Variants in PARD3B observed in about 807,000 individuals in gnomAD.
The protein encoded by PARD3B is partitioning defective 3 homolog B.
PARD3B carries 103 observed loss-of-function variants against 130.2 expected under a neutral mutation model. That is an observed-to-expected ratio of 0.79 (90% CI 0.67 to 0.93). The LOEUF (loss-of-function observed/expected upper bound fraction) is 0.93, where lower values mean the gene tolerates loss of function less well. Among genes scored for constraint, PARD3B ranks in the 40% least tolerant of loss-of-function variants. PARD3B has a pLI of 0.00. For missense variants in PARD3B, 1,609 were observed against 1,499.2 expected, an observed-to-expected ratio of 1.07 and a Z score of -1.21; for synonymous variants, 583 against 553.2, an observed-to-expected ratio of 1.05 and a Z score of -0.76.
chr2:205,435,960 T>TAAA (rs1401197446), intron 19 of PARD3B, among the ~76,000 whole-genome samples: 1 of 152,214 alleles, frequency 6.6e-6, no homozygotes, highest in East Asian at 1.9e-4. Context: ...GGGTAATTTA[T>TAAA]AAAGACAGAA....
intron 2 of PARD3B, among the ~76,000 whole-genome samples, chr2:204,758,072 C>T (rs1406785905): frequency 3.3e-5 from 5 of 152,148 alleles, no homozygotes. Flanking sequence ...GTTGGGGCCA[C>T]ACCATATGCA....
chr2:204,594,633 A>G (rs1467112437), intron 1 of PARD3B, among the ~76,000 whole-genome samples: 1 of 152,180 alleles, frequency 6.6e-6, no homozygotes, highest in African/African-American at 2.4e-5. Flanking sequence ...CGTAATTGCT[A>G]ATCACCCCTT....
chr2:204,800,216 A>G (rs2042517960), intron 2 of PARD3B, among the ~76,000 whole-genome samples: 1 of 152,170 alleles, frequency 6.6e-6, no homozygotes, highest in African/African-American at 2.4e-5. Context: ...GAAATTCTAG[A>G]GGTGGAAAAT....
At chr2:204,732,851 TAAAA>T (rs907771152) in intron 2 of PARD3B, among the ~76,000 whole-genome samples, 1 of 152,154 alleles carries the variant, frequency 6.6e-6, no homozygotes, top group African/African-American at 2.4e-5. Context: ...CCTGATTTGA[TAAAA>T]AAGAGTTTTT....
Position 205,356,584 on chromosome 2 carries a change from C to T in PARD3B, c.2631-44429C>T, listed in dbSNP as rs137950139. Reference sequence around the variant, plus strand: ...TCCTTCATTGAGAAGCTCTGCTGAGCGTACATATAAAAGAATATCATTCTG... The same window carrying T: ...TCCTTCATTGAGAAGCTCTGCTGAGTGTACATATAAAAGAATATCATTCTG... On this transcript the variant is annotated intron_variant, in intron 18 of 22. Transcript: ENST00000406610. 3.6e-4 allele frequency among the ~76,000 whole-genome samples: 55 copies of T among 152,052 alleles called. 2 individuals carry two copies. The highest frequency in any genetic ancestry group is 1.1e-3 in the African/African-American group (46 of 41,494).
At chr2:205,422,865 G>A (rs1000822218) in intron 19 of PARD3B, among the ~76,000 whole-genome samples, 1 of 152,260 alleles carries the variant, frequency 6.6e-6, no homozygotes, top group African/African-American at 2.4e-5. Context: ...TGAAGGGACA[G>A]TGAGGGTAGA....
At chr2:204,864,777 G>A (rs1239624332) in intron 2 of PARD3B, among the ~76,000 whole-genome samples, 1 of 152,162 alleles carries the variant, frequency 6.6e-6, no homozygotes. Flanking sequence ...GCTTAGAGGA[G>A]TGTCTGGCAC....
intron 10 of PARD3B, among the ~76,000 whole-genome samples, chr2:205,127,487 A>G (rs754931526): frequency 2.0e-5 from 3 of 152,190 alleles, no homozygotes; most frequent in Admixed American, 6.5e-5. Context: ...GGATTAGTTG[A>G]CAGAACTGAT....
chr2:204,643,136 A>AAAAAAAAAAAAAAGG (rs1559202402), intron 1 of PARD3B, among the ~76,000 whole-genome samples: 1 of 145,200 alleles, frequency 6.9e-6, no homozygotes, highest in African/African-American at 2.5e-5. Context: ...AAAAAAAAAA[A>AAAAAAAAAAAAAAGG]TGTTTGGCAC....
At chr2:204,939,427 A>G (rs1161490694) in intron 2 of PARD3B, among the ~76,000 whole-genome samples, 2 of 152,224 alleles carry the variant, frequency 1.3e-5, no homozygotes, top group Non-Finnish European at 2.9e-5. Flanking sequence ...AGAGTAGATC[A>G]CTAGAAGGCA....
chr2:205,409,003 G>A (rs2046506182), intron 19 of PARD3B, among the ~76,000 whole-genome samples: 4 of 152,202 alleles, frequency 2.6e-5, no homozygotes, highest in Middle Eastern at 6.8e-3. Context: ...TTTGAATAAG[G>A]CTTTGGTTGG....
chr2:204,561,275 A>G (rs752992627), intron 1 of PARD3B, among the ~76,000 whole-genome samples: 23 of 152,186 alleles, frequency 1.5e-4, no homozygotes, highest in Non-Finnish European at 2.6e-4. Context: ...GGTGCTCAGA[A>G]ATAAAAGTTG....
At chr2:204,746,595 C>T (rs1233907848) in intron 2 of PARD3B, among the ~76,000 whole-genome samples, 2 of 152,160 alleles carry the variant, frequency 1.3e-5, no homozygotes, top group African/African-American at 2.4e-5. Context: ...TACCTCCCAC[C>T]AACGGTGTAA....
At chr2:205,612,798 C>T (rs1051162231) in intron 22 of PARD3B, among the ~76,000 whole-genome samples, 2 of 152,226 alleles carry the variant, frequency 1.3e-5, no homozygotes, top group Non-Finnish European at 2.9e-5. Flanking sequence ...AAAACCTCCC[C>T]TCAGAGGAAG....
At chr2:204,691,738 A>G (rs2037363983) in intron 2 of PARD3B, among the ~76,000 whole-genome samples, 1 of 152,152 alleles carries the variant, frequency 6.6e-6, no homozygotes, top group South Asian at 2.1e-4. Context: ...TGATGTTACC[A>G]TTAGATGTTT....
chr2:205,014,449 T>A (rs1340539763), intron 3 of PARD3B, among the ~76,000 whole-genome samples: 1 of 152,234 alleles, frequency 6.6e-6, no homozygotes, highest in Non-Finnish European at 1.5e-5. Flanking sequence ...GGGTGATATC[T>A]AATTCACAAC....
intron 2 of PARD3B, among the ~76,000 whole-genome samples, chr2:204,787,402 C>G (rs2042050009): frequency 6.6e-6 from 1 of 152,102 alleles, no homozygotes; most frequent in Non-Finnish European, 1.5e-5. Flanking sequence ...GGAGGTGTAT[C>G]TCCAGCCCAG....
At chr2:204,869,565 T>C (rs550014433) in intron 2 of PARD3B, among the ~76,000 whole-genome samples, 1 of 152,286 alleles carries the variant, frequency 6.6e-6, no homozygotes, top group Non-Finnish European at 1.5e-5. Context: ...TAGGAATACC[T>C]AGGAACCTAA....
chr2:205,411,489 C>T (rs1331198359), intron 19 of PARD3B, among the ~76,000 whole-genome samples: 2 of 152,050 alleles, frequency 1.3e-5, no homozygotes, highest in Non-Finnish European at 2.9e-5. Flanking sequence ...AAATGAGAAA[C>T]CTGTCTTTCA....
Sources: allele counts gnomAD v4.1 joint callset (sites outside exome capture counted in the v4.1 genomes callset), GRCh38; gene constraint gnomAD v4.1.1; transcripts MANE v1.5; gene names NCBI Gene and HGNC (gene_info 2026-07-23, HGNC 2026-07-21).